Variants in TP63 observed in about 807,000 individuals in gnomAD.
TP63 encodes the protein tumor protein 63.
In TP63, 17 loss-of-function variants were observed where a neutral mutation model predicts 82.8. The ratio of observed to expected loss-of-function variants is 0.21; its 90% CI spans 0.14 to 0.31. The LOEUF (loss-of-function observed/expected upper bound fraction) is 0.31. Ranked by LOEUF, TP63 falls within the 10% of genes least tolerant of loss-of-function variation. The probability of loss-of-function intolerance (pLI) is 1.00; values close to 1 mark genes in which losing one functional copy is unlikely to be tolerated. For missense variants in TP63, 648 were observed against 895.3 expected, an observed-to-expected ratio of 0.72 and a Z score of 3.52; for synonymous variants, 330 against 321.7, an observed-to-expected ratio of 1.03 and a Z score of -0.28.
the TP63 span, among the ~76,000 whole-genome samples, chr3:189,625,727 G>A: frequency 6.6e-6 from 1 of 152,064 alleles, no homozygotes; most frequent in Non-Finnish European, 1.5e-5. Flanking sequence ...GCCAAATAAG[G>A]ACTTCCTGTG....
At chr3:189,652,132 G>A (rs762514302) in intron 1 of TP63, among the ~76,000 whole-genome samples, 2 of 146,106 alleles carry the variant, frequency 1.4e-5, no homozygotes, top group Non-Finnish European at 3.0e-5. Flanking sequence ...GTGAGAGGAG[G>A]ACCCAAAATG....
intron 4 of TP63, among the ~76,000 whole-genome samples, chr3:189,845,008 C>T (rs1422639999): frequency 2.6e-5 from 4 of 152,114 alleles, no homozygotes; most frequent in Non-Finnish European, 5.9e-5. Context: ...CACCCTCTTA[C>T]CCTTATAAAA....
At chr3:189,823,508 A>C (rs1729013978) in intron 4 of TP63, among the ~76,000 whole-genome samples, 1 of 152,176 alleles carries the variant, frequency 6.6e-6, no homozygotes, top group African/African-American at 2.4e-5. Context: ...TGGCTCACTC[A>C]CCAGGGGAAG....
At chr3:189,727,263 A>G (rs74785312) in intron 1 of TP63, among the ~76,000 whole-genome samples, 4,217 of 152,324 alleles carry the variant, frequency 0.028, 124 homozygotes, top group East Asian at 0.14. Context: ...ATTGTTCAGA[A>G]CTGTCATCAG....
chr3:189,812,441 G>T (rs1727671439), intron 4 of TP63, among the ~76,000 whole-genome samples: 1 of 152,096 alleles, frequency 6.6e-6, no homozygotes, highest in Non-Finnish European at 1.5e-5. Flanking sequence ...ATTGATACTA[G>T]TTACAGAGGC....
Position 189,889,389 on chromosome 3 carries a change from C to T in TP63, c.1557C>T (p.Leu519=), listed in dbSNP as rs1174843062. Residue 519 remains leucine, a synonymous_variant, in exon 12 of 14, where the codon CTC becomes CTT. Coordinates refer to ENST00000264731, the MANE Select transcript of TP63 (RefSeq NM_003722.5). ...CAATGGCTGGAGACATGAATGGACTCAGCCCCACCCAGGCACTCCCTCCCC... is the reference window on the plus strand; with the variant it reads ...CAATGGCTGGAGACATGAATGGACTTAGCCCCACCCAGGCACTCCCTCCCC... The part of the protein sequence containing the change: ...HMPMAGDMNG[L]SPTQALPPPL... The T allele has an allele frequency of 1.2e-6, 2 of 1,614,154 alleles. No homozygotes were observed. The highest frequency in any genetic ancestry group is 3.3e-5 in the Admixed American group (2 of 60,022).
intron 1 of TP63, among the ~76,000 whole-genome samples, chr3:189,716,645 C>A (rs1458337627): frequency 1.3e-5 from 2 of 152,128 alleles, no homozygotes; most frequent in Non-Finnish European, 2.9e-5. Flanking sequence ...TTTTATAGCC[C>A]AACATTTTTA....
intron 1 of TP63, among the ~76,000 whole-genome samples, chr3:189,703,097 G>C (rs571770918): frequency 6.6e-6 from 1 of 152,264 alleles, no homozygotes; most frequent in Admixed American, 6.5e-5. Context: ...GGTGCAATCA[G>C]AACTGGGATC....
chr3:189,797,754 C>G (rs1725861321), intron 3 of TP63, among the ~76,000 whole-genome samples: 1 of 152,018 alleles, frequency 6.6e-6, no homozygotes, highest in South Asian at 2.1e-4. Flanking sequence ...ATTATTTCAA[C>G]AGACAATCCC....
chr3:189,754,197 C>T (rs1395369882), intron 3 of TP63, among the ~76,000 whole-genome samples: 2 of 152,048 alleles, frequency 1.3e-5, no homozygotes, highest in Admixed American at 6.6e-5. Context: ...TAACTGGGAC[C>T]ATAAACCAGG....
intron 3 of TP63, among the ~76,000 whole-genome samples, chr3:189,773,762 A>C (rs979357920): frequency 6.6e-6 from 1 of 152,040 alleles, no homozygotes; most frequent in East Asian, 1.9e-4. Flanking sequence ...GGTATTTGTT[A>C]AATCATAGAA....
intron 12 of TP63, 53 bp from the exon 13 acceptor site, chr3:189,890,736 G>T: frequency 6.5e-7 from 1 of 1,546,418 alleles, no homozygotes; most frequent in Non-Finnish European, 8.9e-7. Context: ...AATGCAGTTG[G>T]GGTGAACTTT....
rs1316805175 is a variant in TP63 at position 189,896,806 on chromosome 3, A to T, written c.*2304A>T. On this transcript the variant is annotated 3_prime_UTR_variant, in exon 14 of 14. Transcript: ENST00000264731. The stretch of plus-strand genomic sequence containing the variant: ...GCCTACTCTCCTTGAGTGTATGAGT[A>T]GCCAGGGTAAGGGGTAAAAGGATAG... The T allele has an allele frequency of 4.8e-6, 1 of 208,494 alleles. No homozygotes were observed. The highest frequency in any genetic ancestry group is 9.8e-6 in the Non-Finnish European group (1 of 102,090). The allele number at this position is 208,494 out of a possible 1,614,324, so 12.9% of individuals were successfully genotyped here. A position where few individuals can be genotyped will look rare whatever the true frequency, so the allele number is the denominator to read the frequency against.
chr3:189,811,550 G>A (rs1056275300), intron 4 of TP63, among the ~76,000 whole-genome samples: 1 of 152,218 alleles, frequency 6.6e-6, no homozygotes, highest in Non-Finnish European at 1.5e-5. Flanking sequence ...CTAAAAAGAT[G>A]TAAGTTCTTC....
intron 1 of TP63, among the ~76,000 whole-genome samples, chr3:189,648,020 A>C (rs1452953806): frequency 6.8e-6 from 1 of 147,520 alleles, no homozygotes; most frequent in Non-Finnish European, 1.5e-5. Context: ...AAGATTTTAC[A>C]GTAATGTTTT....
chr3:189,618,017 C>T, the TP63 span, among the ~76,000 whole-genome samples: 1 of 152,156 alleles, frequency 6.6e-6, no homozygotes, highest in Admixed American at 6.6e-5. Flanking sequence ...TACAGTTACT[C>T]AAGTCAACAG....
the TP63 span, among the ~76,000 whole-genome samples, chr3:189,618,816 A>G: frequency 6.6e-6 from 1 of 152,170 alleles, no homozygotes; most frequent in African/African-American, 2.4e-5. Context: ...CATTCTAGCC[A>G]TGTCCTCTTC....
intron 4 of TP63, 52 bp downstream of exon 4, chr3:189,808,578 T>C: frequency 6.2e-7 from 1 of 1,608,668 alleles, no homozygotes; most frequent in Non-Finnish European, 8.5e-7. Flanking sequence ...AAGGATGGGC[T>C]TCACCACGTC....
intron 3 of TP63, among the ~76,000 whole-genome samples, chr3:189,793,232 G>T (rs1725341597): frequency 6.6e-6 from 1 of 151,888 alleles, no homozygotes; most frequent in African/African-American, 2.4e-5. Context: ...GAAAAAAAAA[G>T]ATTTTGAGAC....
Sources: allele counts gnomAD v4.1 joint callset (sites outside exome capture counted in the v4.1 genomes callset), GRCh38; gene constraint gnomAD v4.1.1; transcripts MANE v1.5; gene names NCBI Gene and HGNC (gene_info 2026-07-23, HGNC 2026-07-21).